ULK1: variants seen among roughly 807,000 people sequenced by gnomAD.
ULK1 encodes the protein serine/threonine-protein kinase ULK1.
ULK1 carries 48 observed loss-of-function variants against 117.5 expected under a neutral mutation model. The observed-to-expected ratio is 0.41, with a 90% CI of 0.32 to 0.52. The LOEUF is 0.52. ULK1 is among the 20% of genes least tolerant of loss of function. The pLI is 0.29. For missense variants in ULK1, 1,387 were observed against 1,473.4 expected (o/e 0.94, Z 0.96); for synonymous variants, 790 against 637.8 (o/e 1.24, Z -3.60).
chr12:131,901,084 C>T (rs1421871835), intron 3 of ULK1, among the ~76,000 whole-genome samples: 2 of 150,908 alleles, frequency 1.3e-5, no homozygotes, highest in Non-Finnish European at 2.9e-5. Flanking sequence ...TGAGACTGGG[C>T]ACAGTGGCTC....
Position 131,921,194 on chromosome 12 carries a change from A to G in ULK1, c.3056A>G (p.His1019Arg), listed in dbSNP as rs1329327069. The G allele has an allele frequency of 1.2e-6, 2 of 1,606,438 alleles. No homozygotes were observed. The change falls in exon 27 of 28, where the codon CAC becomes CGC. Residue 1019 changes from histidine to arginine, a missense_variant. Physicochemically the swap from His to Arg is conservative, Grantham distance 29. Coordinates refer to ENST00000321867, the MANE Select transcript of ULK1 (RefSeq NM_003565.4). Reference protein sequence around the residue: ...KALLLLEGLQHMLSDQADIEN... With the variant: ...KALLLLEGLQRMLSDQADIEN... ...CTGCTGCTCCTGGAGGGGCTGCAGCACATGCTCTCGGACCAGGCCGACATC... is the reference window on the plus strand; with the variant it reads ...CTGCTGCTCCTGGAGGGGCTGCAGCGCATGCTCTCGGACCAGGCCGACATC...
intron 25 of ULK1, 177 bp downstream of exon 25, chr12:131,919,767 C>G: frequency 9.7e-7 from 1 of 1,027,526 alleles, no homozygotes; most frequent in Admixed American, 2.7e-5. Flanking sequence ...GGACAGCACC[C>G]TGGAGCCCAG....
intron 26 of ULK1, 117 bp downstream of exon 26, chr12:131,920,253 T>C: frequency 7.4e-7 from 1 of 1,343,588 alleles, no homozygotes. Flanking sequence ...GTGTCACTTC[T>C]GGAGGTCTTG....
At chr12:131,919,659 GACAGGGTA>G (rs1299160991) in intron 25 of ULK1, 69 bp downstream of exon 25, 1 of 1,531,514 alleles carries the variant, frequency 6.5e-7, no homozygotes, top group Non-Finnish European at 8.9e-7. Flanking sequence ...CTGCCTGGGT[GACAGGGTA>G]ACAGGGAGGC....
chr12:131,910,168 C>A lies in ULK1; in HGVS notation c.809-86C>A, dbSNP rs564199846. On this transcript the variant is annotated intron_variant, in intron 10 of 27. Transcript: ENST00000321867. Reference sequence around the variant, plus strand: ...CCTCCGCCCGGGCAGGTGCCCAACGCGGCTGGAGCTCAGGCCGTGGGGAGG... The same window carrying A: ...CCTCCGCCCGGGCAGGTGCCCAACGAGGCTGGAGCTCAGGCCGTGGGGAGG... 6.9e-6 allele frequency: 11 copies of A among 1,588,560 alleles called. No individual in the cohort carries two copies. The Admixed American group carries it at 1.3e-4, about 19-fold the overall frequency.
At position 131,922,093 on chromosome 12, in the gene ULK1, C is replaced by T. The variant is rs1019049919; in HGVS notation, c.*732C>T. 7 of 449,776 alleles carry T rather than the reference C, an allele frequency of 1.6e-5. No individual in the cohort carries two copies. The highest frequency in any genetic ancestry group is 4.0e-5 in the African/African-American group (2 of 50,070). 27.9% of individuals were successfully genotyped at this position (449,776 alleles called of 1,614,324 possible). On this transcript the variant is annotated 3_prime_UTR_variant, in exon 28 of 28. Transcript: ENST00000321867. ...CTCTGGGGACCGGCAGCAGAGGCAC[C>T]GTGTTCTCTCAGCCCTGGATACGTC...
At chr12:131,897,904 CACAAA>C (rs1406896620) in intron 3 of ULK1, 1 of 152,172 alleles carries the variant, frequency 6.6e-6, no homozygotes, top group Non-Finnish European at 1.5e-5. Context: ...GTCTCAAAAA[CACAAA>C]ACAAAACCCT....
intron 22 of ULK1, 135 bp downstream of exon 22, chr12:131,917,689 GC>G: frequency 1.1e-6 from 1 of 941,266 alleles, no homozygotes; most frequent in Non-Finnish European, 1.4e-6. Flanking sequence ...AGCAGCTCAG[GC>G]CCCTGAGAAA....
chr12:131,917,050 C>T lies in ULK1; in HGVS notation c.2170C>T (p.Pro724Ser), dbSNP rs746881364. ...PGSTESLQEK[P>S]MEIAPSAGFG... is the part of the protein sequence containing the mutation. ...CAGCACGGAGAGCCTGCAGGAGAAGCCCATGGAGATCGGTGTGTGGGTGGG... is the reference window on the plus strand; with the variant it reads ...CAGCACGGAGAGCCTGCAGGAGAAGTCCATGGAGATCGGTGTGTGGGTGGG... Residue 724 changes from proline to serine, a missense_variant, in exon 21 of 28, where the codon CCC (proline) becomes TCC (serine). Coordinates refer to ENST00000321867, the MANE Select transcript of ULK1 (RefSeq NM_003565.4). 1 of 1,398,780 alleles carries T rather than the reference C, an allele frequency of 7.1e-7. No individual in the cohort carries two copies. Among genetic ancestry groups the T allele is most frequent in the East Asian group, 2.9e-5 (1 of 34,944 alleles). 86.6% of individuals were successfully genotyped at this position (1,398,780 alleles called of 1,614,324 possible).
At chr12:131,900,157 C>T (rs888502568) in intron 3 of ULK1, among the ~76,000 whole-genome samples, 8 of 148,542 alleles carry the variant, frequency 5.4e-5, no homozygotes, top group Non-Finnish European at 3.0e-5. Context: ...GTTGTGATGG[C>T]ATCTTGAGTA....
intron 5 of ULK1, among the ~76,000 whole-genome samples, chr12:131,908,280 C>T (rs1889360879): frequency 6.6e-6 from 1 of 152,120 alleles, no homozygotes; most frequent in South Asian, 2.1e-4. Flanking sequence ...ACTGGGGCTG[C>T]GGGTCGGGTC....
rs774045851 is a variant in ULK1 at position 131,913,797 on chromosome 12, C to T, written c.1208C>T (p.Ser403Phe). The change falls in exon 15 of 28, where the codon TCT (serine) becomes TTT (phenylalanine). Residue 403 changes from serine (S) to phenylalanine (F), a missense_variant. By Grantham distance (155) the Ser-to-Phe change is radical. This residue lies in a region of ULK1 where 260 missense variants were observed against 271.6 expected (regional missense o/e 0.96). Coordinates refer to ENST00000321867, the MANE Select transcript of ULK1 (RefSeq NM_003565.4). Reference sequence around the variant, plus strand: ...TTGGAGAGCCACGGCCGGACCCCATCTCCATCCCCACCCTGCAGCAGCTCC... The same window carrying T: ...TTGGAGAGCCACGGCCGGACCCCATTTCCATCCCCACCCTGCAGCAGCTCC... ...AGLESHGRTP[S>F]PSPPCSSSPS... 1 of 1,579,154 alleles carries T rather than the reference C, an allele frequency of 6.3e-7. No individual in the cohort carries two copies. The highest frequency in any genetic ancestry group is 8.6e-7 in the Non-Finnish European group (1 of 1,162,306).
At chr12:131,914,278 G>A (rs1889674125) in intron 15 of ULK1, 74 bp from the exon 16 acceptor site, 3 of 1,570,368 alleles carry the variant, frequency 1.9e-6, no homozygotes, top group East Asian at 2.3e-5. Flanking sequence ...GCTTTCTTCT[G>A]GTGCCCCAGC....
intron 3 of ULK1, among the ~76,000 whole-genome samples, chr12:131,904,367 C>G (rs1889193846): frequency 6.6e-6 from 1 of 152,208 alleles, no homozygotes; most frequent in Admixed American, 6.5e-5. Flanking sequence ...AGGCTGGTCT[C>G]AAACTCCTGG....
rs1214925265 is a variant in ULK1, at chr12:131,903,080, AC to A, written c.247-3806del. Among the ~76,000 whole-genome samples the A allele has an allele frequency of 6.6e-6, 1 of 151,818 alleles. No homozygotes were observed. Among genetic ancestry groups the A allele is most frequent in the African/African-American group, 2.4e-5 (1 of 41,302 alleles). ...GCCGGTGAGGCTGTGCTCTCACCTG[AC>A]CCCCCTCAAGAGCCCTAGAGAGAGT... On this transcript the variant is annotated intron_variant, in intron 3 of 27. Transcript: ENST00000321867. The surrounding 1 kb of genome is among the most constrained non-coding windows in gnomAD (Gnocchi z 6.0).
intron 3 of ULK1, among the ~76,000 whole-genome samples, chr12:131,906,276 A>G (rs766565138): frequency 3.9e-5 from 6 of 152,294 alleles, no homozygotes; most frequent in Admixed American, 1.3e-4. Context: ...GTATTTTAAT[A>G]GAGACGGTTT....
Position 131,916,127 on chromosome 12 carries a change from C to T in ULK1, c.1846C>T (p.Pro616Ser), listed in dbSNP as rs763744221. Residue 616 changes from proline to serine, a missense_variant, in exon 19 of 28, where the codon CCC (proline) becomes TCC (serine). By Grantham distance (74) the Pro-to-Ser change is moderately conservative. This residue lies in a region of ULK1 where 900 missense variants were observed against 858.9 expected (regional missense o/e 1.05). Transcript: ENST00000321867. ...GCTGCCCGACTTCCTGCAGCGAAAC[C>T]CCCTGCCCCCCATCCTGGGCTCCCC... ...PKLPDFLQRNPLPPILGSPTK... is the reference protein window; with the variant it reads ...PKLPDFLQRNSLPPILGSPTK... The T allele has an allele frequency of 2.5e-6, 4 of 1,612,468 alleles. No individual in the cohort carries two copies. The highest frequency in any genetic ancestry group is 1.1e-5 in the South Asian group (1 of 91,078).
chr12:131,920,749 G>T, intron 26 of ULK1: 1 of 283,524 alleles, frequency 3.5e-6, no homozygotes, highest in Non-Finnish European at 6.6e-6. Context: ...TAAGCATGTA[G>T]TAAAAATCCA....
Position 131,921,802 on chromosome 12 carries a change from C to G in ULK1, c.*441C>G, listed in dbSNP as rs1158773244. The G allele has an allele frequency of 2.0e-6, 1 of 492,902 alleles. No individual in the cohort carries two copies. The highest frequency in any genetic ancestry group is 4.0e-6 in the Non-Finnish European group (1 of 251,538). The allele number at this position is 492,902 out of a possible 1,614,324, so 30.5% of individuals were successfully genotyped here. A position where few individuals can be genotyped will look rare whatever the true frequency, so the allele number is the denominator to read the frequency against. On this transcript the variant is annotated 3_prime_UTR_variant, in exon 28 of 28. Coordinates refer to ENST00000321867, the MANE Select transcript of ULK1 (RefSeq NM_003565.4). Reference sequence around the variant, plus strand: ...CCCCAGTCTCCAGGAGCCTCTCCCTCCGAGATACCCACCCAGCTTTGTCAA... The same window carrying G: ...CCCCAGTCTCCAGGAGCCTCTCCCTGCGAGATACCCACCCAGCTTTGTCAA...
Sources: allele counts gnomAD v4.1 joint callset (sites outside exome capture counted in the v4.1 genomes callset), GRCh38; gene constraint gnomAD v4.1.1; regional missense constraint gnomAD v4.1.1; non-coding constraint Gnocchi (gnomAD v3.1); transcripts MANE v1.5; gene names NCBI Gene and HGNC (gene_info 2026-07-23, HGNC 2026-07-21).